The following AIG1 variants were observed in gnomAD, a reference collection of about 807,000 sequenced individuals.
AIG1 encodes the protein androgen induced 1.
Under a neutral mutation model 31.4 loss-of-function variants are expected in AIG1, and 23 were observed. That is an observed-to-expected ratio of 0.73 (90% CI 0.53 to 1.04). The LOEUF (loss-of-function observed/expected upper bound fraction) is 1.04. Ranked by LOEUF, AIG1 falls within the 50% of genes least tolerant of loss-of-function variation. The pLI is 0.00. For synonymous variants in AIG1, 100 were observed against 110.5 expected (o/e 0.90, Z 0.60); for missense variants, 274 against 295.0 (o/e 0.93, Z 0.52).
In AIG1 at chr6:143,201,478, G is replaced by A. The variant is rs550379231; in HGVS notation, c.399+36295G>A. Among the ~76,000 whole-genome samples the A allele has an allele frequency of 1.4e-3, 206 of 152,266 alleles. 1 individual carries two copies. Among genetic ancestry groups the A allele is most frequent in the African/African-American group, 4.6e-3 (192 of 41,552 alleles). On this transcript the variant is annotated intron_variant, in intron 3 of 5. Transcript: ENST00000357847. ...AATTTAAATCTGTGGTTGCCTTTGC[G>A]CTATATATTTTTAAAGGATATTGTG...
chr6:143,148,536 G>A (rs1784899352), intron 2 of AIG1, among the ~76,000 whole-genome samples: 1 of 151,468 alleles, frequency 6.6e-6, no homozygotes, highest in South Asian at 2.1e-4. Flanking sequence ...CAAAACAACT[G>A]TATTAGGGGC....
chr6:143,281,279 T>G (rs1338037551), intron 3 of AIG1, among the ~76,000 whole-genome samples: 2 of 152,174 alleles, frequency 1.3e-5, no homozygotes, highest in Non-Finnish European at 2.9e-5. Context: ...GTTAATAATA[T>G]CCATATAAGA....
chr6:143,101,698 G>T (rs1475529476), intron 1 of AIG1, among the ~76,000 whole-genome samples: 1 of 151,918 alleles, frequency 6.6e-6, no homozygotes, highest in African/African-American at 2.4e-5. Context: ...CTAGAAATTG[G>T]GTTCAGTATA....
In AIG1 at chr6:143,298,192, C is replaced by T. The variant is rs910765121; in HGVS notation, c.515+13967C>T. Among the ~76,000 whole-genome samples the T allele has an allele frequency of 1.3e-5, 2 of 152,172 alleles. No homozygotes were observed. The highest frequency in any genetic ancestry group is 2.4e-5 in the African/African-American group (1 of 41,438). On this transcript the variant is annotated intron_variant, in intron 4 of 5. Transcript: ENST00000357847. This position sits in a 1 kb window ranked among gnomAD's most constrained non-coding sequence, Gnocchi z 5.1. The stretch of plus-strand genomic sequence containing the variant: ...TTCATTCATAAATTCTTGCCAGCCT[C>T]TGGAGAAATCCAGGAATTGTCATTT...
At chr6:143,094,208 G>A (rs878875543) in intron 1 of AIG1, 15 of 152,140 alleles carry the variant, frequency 9.9e-5, no homozygotes, top group African/African-American at 2.4e-4. Flanking sequence ...CTGAGGTGGC[G>A]TCCATAAGAT....
intron 4 of AIG1, among the ~76,000 whole-genome samples, chr6:143,302,442 T>A (rs1032510491): frequency 1.3e-5 from 2 of 151,950 alleles, no homozygotes; most frequent in Admixed American, 1.3e-4. Context: ...TTCTCATTGT[T>A]CAATTCCCAC....
intron 1 of AIG1, among the ~76,000 whole-genome samples, chr6:143,108,667 G>A (rs1185791716): frequency 6.6e-6 from 1 of 152,084 alleles, no homozygotes; most frequent in Non-Finnish European, 1.5e-5. Flanking sequence ...ATGCATGTAG[G>A]TATTTAACTT....
At position 143,109,968 on chromosome 6, in the gene AIG1, A is replaced by T. The variant is rs1583206117; in HGVS notation, c.142-26867A>T. Among the ~76,000 whole-genome samples the T allele has an allele frequency of 3.3e-5, 5 of 152,316 alleles. 1 individual carries two copies. Among genetic ancestry groups the T allele is most frequent in the Admixed American group, 3.3e-4 (5 of 15,300 alleles). On this transcript the variant is annotated intron_variant, in intron 1 of 5. Coordinates refer to ENST00000357847, the MANE Select transcript of AIG1 (RefSeq NM_016108.4). Reference sequence around the variant, plus strand: ...TTACCCAATCCAAGGTCATGAAGATATTCTCCTCTGCTATCTTCTAGAAGC... The same window carrying T: ...TTACCCAATCCAAGGTCATGAAGATTTTCTCCTCTGCTATCTTCTAGAAGC...
At chr6:143,136,188 A>G (rs1486331597) in intron 1 of AIG1, among the ~76,000 whole-genome samples, 1 of 152,216 alleles carries the variant, frequency 6.6e-6, no homozygotes, top group East Asian at 1.9e-4. Flanking sequence ...CATAAATACT[A>G]AAAACCTGAG....
At chr6:143,183,276 AC>A (rs1788911631) in intron 3 of AIG1, among the ~76,000 whole-genome samples, 1 of 150,778 alleles carries the variant, frequency 6.6e-6, no homozygotes, top group Non-Finnish European at 1.5e-5. Context: ...GCTCACTGAA[AC>A]CTCCAACTCC....
chr6:143,122,322 G>T (rs926861193), intron 1 of AIG1, among the ~76,000 whole-genome samples: 26 of 151,918 alleles, frequency 1.7e-4, no homozygotes, highest in African/African-American at 5.8e-4. Flanking sequence ...AATGTTTGTT[G>T]TTCTGTCCAT....
chr6:143,310,397 T>C (rs1204175908), intron 4 of AIG1, among the ~76,000 whole-genome samples: 1 of 151,812 alleles, frequency 6.6e-6, no homozygotes, highest in Non-Finnish European at 1.5e-5. Flanking sequence ...AAATAACCCA[T>C]GGTTCAAATA....
chr6:143,224,065 G>A (rs1376548188), intron 3 of AIG1, among the ~76,000 whole-genome samples: 2 of 152,102 alleles, frequency 1.3e-5, no homozygotes, highest in African/African-American at 4.8e-5. Flanking sequence ...TCTGAGCTGT[G>A]ACCTTTGTCC....
At chr6:143,133,634 G>A (rs1019561368) in intron 1 of AIG1, among the ~76,000 whole-genome samples, 2 of 152,084 alleles carry the variant, frequency 1.3e-5, no homozygotes, top group Non-Finnish European at 2.9e-5. Flanking sequence ...TGATTGCTGA[G>A]TAAAAAGTCC....
At chr6:143,244,344 A>G (rs189600727) in intron 3 of AIG1, among the ~76,000 whole-genome samples, 106 of 152,288 alleles carry the variant, frequency 7.0e-4, no homozygotes, top group Admixed American at 1.4e-3. Flanking sequence ...GTGGAGGAAT[A>G]GCAAGAGGTT....
At chr6:143,307,180 T>C (rs1357234051) in intron 4 of AIG1, among the ~76,000 whole-genome samples, 1 of 152,260 alleles carries the variant, frequency 6.6e-6, no homozygotes, top group Non-Finnish European at 1.5e-5. Flanking sequence ...TTTGATTGTC[T>C]GAAGCCTTCT....
chr6:143,271,931 A>G (rs2128667941), intron 3 of AIG1, among the ~76,000 whole-genome samples: 1 of 152,338 alleles, frequency 6.6e-6, no homozygotes, highest in East Asian at 1.9e-4. Context: ...TAATGGAAAA[A>G]GAAGATTTGC....
intron 3 of AIG1, among the ~76,000 whole-genome samples, chr6:143,221,030 AAATACCTAGT>A (rs1174023579): frequency 1.3e-5 from 2 of 152,090 alleles, no homozygotes; most frequent in Non-Finnish European, 2.9e-5. Context: ...ACCGATTTGC[AAATACCTAGT>A]AAGTCAAGCA....
chr6:143,154,132 C>T (rs976948720), intron 2 of AIG1, among the ~76,000 whole-genome samples: 4 of 151,926 alleles, frequency 2.6e-5, no homozygotes, highest in African/African-American at 9.7e-5. Flanking sequence ...ACTGCCTGAC[C>T]TCACATTCTG....
Sources: gnomAD v4.1 joint callset for allele counts (sites outside exome capture counted in the v4.1 genomes callset) on GRCh38, gnomAD v4.1.1 for gene constraint, Gnocchi (gnomAD v3.1) non-coding constraint, MANE v1.5 for transcripts, NCBI Gene and HGNC (gene_info 2026-07-23, HGNC 2026-07-21) for gene names.